Variants in APPBP2 observed in about 807,000 individuals in gnomAD.
APPBP2 encodes amyloid beta precursor protein binding protein 2.
APPBP2 carries 15 observed loss-of-function variants against 76.0 expected under a neutral mutation model. The ratio of observed to expected loss-of-function variants is 0.20; its 90% CI spans 0.13 to 0.30. The LOEUF is 0.30. Among genes scored for constraint, APPBP2 ranks in the 10% least tolerant of loss-of-function variants. The pLI, the probability that APPBP2 is intolerant of heterozygous loss-of-function variation, is 1.00. For missense variants in APPBP2, 401 were observed against 687.2 expected, an observed-to-expected ratio of 0.58 and a Z score of 4.66; for synonymous variants, 222 against 242.2, an observed-to-expected ratio of 0.92 and a Z score of 0.77.
intron 4 of APPBP2, among the ~76,000 whole-genome samples, chr17:60,467,299 T>C (rs1399598173): frequency 6.6e-6 from 1 of 152,180 alleles, no homozygotes; most frequent in East Asian, 1.9e-4. Context: ...GGTTAGGAAG[T>C]ATTCCTCAGG....
At chr17:60,477,303 A>C (rs2090597748) in intron 4 of APPBP2, among the ~76,000 whole-genome samples, 1 of 152,224 alleles carries the variant, frequency 6.6e-6, no homozygotes, top group South Asian at 2.1e-4. Context: ...TATTTGGGTG[A>C]AATAAATCTG....
chr17:60,511,324 C>T (rs1006584920), intron 1 of APPBP2, among the ~76,000 whole-genome samples: 8 of 152,108 alleles, frequency 5.3e-5, no homozygotes, highest in South Asian at 4.1e-4. Context: ...CGGTGGCTCA[C>T]GCCTGTAATC....
intron 3 of APPBP2, among the ~76,000 whole-genome samples, chr17:60,487,521 C>G (rs370599619): frequency 2.6e-5 from 4 of 152,098 alleles, no homozygotes; most frequent in African/African-American, 9.7e-5. Context: ...ATGTAGTTCT[C>G]GCGCCATGGT....
Position 60,525,843 on chromosome 17 carries a change from C to T in APPBP2, c.89G>A (p.Arg30Gln). The T allele has an allele frequency of 6.2e-7, 1 of 1,613,928 alleles. No homozygotes were observed. The highest frequency in any genetic ancestry group is 8.5e-7 in the Non-Finnish European group (1 of 1,179,952). The part of the protein sequence containing the change: ...AVVDNYIRSR[R>Q]DIRSLPENIQ... ...GTTCTCGGGCAAGGAGCGGATGTCT[C>T]GGCGGGAGCGGATGTAGTTGTCCAC... is the stretch of plus-strand genomic sequence containing the variant. Residue 30 changes from arginine to glutamine, a missense_variant, in exon 1 of 13, where the codon CGA (arginine) becomes CAA (glutamine). Arg to Gln is a conservative substitution (Grantham distance 43). Coordinates refer to ENST00000083182, the MANE Select transcript of APPBP2 (RefSeq NM_006380.5).
At chr17:60,478,610 A>T (rs1277618001) in intron 4 of APPBP2, among the ~76,000 whole-genome samples, 1 of 152,222 alleles carries the variant, frequency 6.6e-6, no homozygotes, top group African/African-American at 2.4e-5. Context: ...TCTATGACAA[A>T]GCAAAAAGAT....
At chr17:60,505,680 T>TA (rs1555635366) in intron 1 of APPBP2, among the ~76,000 whole-genome samples, 1 of 125,492 alleles carries the variant, frequency 8.0e-6, no homozygotes, top group African/African-American at 3.7e-5. Context: ...CCTGCGGTTT[T>TA]TTTTTTTTTT....
chr17:60,472,786 G>A (rs1363623641), intron 4 of APPBP2, among the ~76,000 whole-genome samples: 1 of 152,124 alleles, frequency 6.6e-6, no homozygotes, highest in Non-Finnish European at 1.5e-5. Flanking sequence ...CTACCCTGGA[G>A]GCCCTTAACA....
chr17:60,451,292 A>AATT (rs1335173400), intron 12 of APPBP2, among the ~76,000 whole-genome samples: 1 of 152,248 alleles, frequency 6.6e-6, no homozygotes, highest in East Asian at 1.9e-4. Flanking sequence ...AAATAGTTTA[A>AATT]AATAACTACT....
intron 12 of APPBP2, among the ~76,000 whole-genome samples, chr17:60,450,077 G>A (rs903148928): frequency 6.6e-6 from 1 of 151,920 alleles, no homozygotes; most frequent in Non-Finnish European, 1.5e-5. Context: ...GATTACAGGT[G>A]TGAGCCACCG....
At chr17:60,492,043 C>T (rs530055336) in intron 3 of APPBP2, among the ~76,000 whole-genome samples, 120 of 152,230 alleles carry the variant, frequency 7.9e-4, no homozygotes, top group African/African-American at 2.6e-3. Context: ...GGGACTTGGA[C>T]CCCTGTGTCC....
chr17:60,447,662 A>T lies in APPBP2; in HGVS notation c.1677T>A (p.Asp559Glu), dbSNP rs774630708. The T allele has an allele frequency of 6.2e-7, 1 of 1,614,108 alleles. No individual in the cohort carries two copies. Among genetic ancestry groups the T allele is most frequent in the South Asian group, 1.1e-5 (1 of 91,082 alleles). Residue 559 changes from aspartate to glutamate, a missense_variant, in exon 13 of 13, where the codon GAT (aspartate) becomes GAA (glutamate). By Grantham distance (45) the Asp-to-Glu change is conservative. Transcript: ENST00000083182. ...CAGTGGACTGGGGGCTGGTGCTGAC[A>T]TCTTCAAGAGCATCTGTCACTGAAT... ...RQYSVTDALE[D>E]VSTSPQSTEE...
At chr17:60,505,214 C>T (rs2090856734) in intron 1 of APPBP2, among the ~76,000 whole-genome samples, 1 of 152,228 alleles carries the variant, frequency 6.6e-6, no homozygotes, top group Non-Finnish European at 1.5e-5. Context: ...AAATTACGGT[C>T]CACACAGTAA....
chr17:60,525,952 C>A lies in APPBP2; in HGVS notation c.-21G>T. 6.4e-7 allele frequency: 1 copy of A among 1,561,840 alleles called. No homozygotes were observed. Among genetic ancestry groups the A allele is most frequent in the Non-Finnish European group, 8.7e-7 (1 of 1,151,848 alleles). On this transcript the variant is annotated 5_prime_UTR_variant, in exon 1 of 13. Coordinates refer to ENST00000083182, the MANE Select transcript of APPBP2 (RefSeq NM_006380.5). The stretch of plus-strand genomic sequence containing the variant: ...GCCATCTTCCTTCCCTCCTCCTCCG[C>A]CTCCTCCGCCTCCTCCTCCCGAAGG...
chr17:60,444,934 T>C lies in APPBP2; in HGVS notation c.*2647A>G, dbSNP rs2090333662. The C allele has an allele frequency of 6.6e-6, 1 of 152,222 alleles. No homozygotes were observed. The highest frequency in any genetic ancestry group is 1.5e-5 in the Non-Finnish European group (1 of 68,026). 9.4% of individuals were successfully genotyped at this position (152,222 alleles called of 1,614,324 possible). A position where few individuals can be genotyped will look rare whatever the true frequency, so the allele number is the denominator to read the frequency against. The stretch of plus-strand genomic sequence containing the variant: ...CAGGGCTTCCTTACGCACCTCACCA[T>C]ATGTAAAAAGTTTGCGCAAGTTAAC... On this transcript the variant is annotated 3_prime_UTR_variant, in exon 13 of 13. Coordinates refer to ENST00000083182, the MANE Select transcript of APPBP2 (RefSeq NM_006380.5).
chr17:60,462,162 AAAC>A, intron 6 of APPBP2, 101 bp from the exon 7 acceptor site: 2 of 862,002 alleles, frequency 2.3e-6, no homozygotes, highest in Non-Finnish European at 3.8e-6. Context: ...ATAAGAAAAA[AAAC>A]CCTCCAAACA....
chr17:60,492,708 T>C (rs975605567), intron 3 of APPBP2, among the ~76,000 whole-genome samples: 1 of 152,324 alleles, frequency 6.6e-6, no homozygotes, highest in Non-Finnish European at 1.5e-5. Flanking sequence ...GTACCCCCAC[T>C]GTATCTAGGA....
intron 4 of APPBP2, among the ~76,000 whole-genome samples, chr17:60,478,185 C>G (rs527271846): frequency 6.6e-6 from 1 of 152,140 alleles, no homozygotes; most frequent in Non-Finnish European, 1.5e-5. Flanking sequence ...TAAAGAATTT[C>G]TGCTGTTTAA....
intron 1 of APPBP2, among the ~76,000 whole-genome samples, chr17:60,509,731 G>A (rs2090897068): frequency 6.6e-6 from 1 of 152,164 alleles, no homozygotes; most frequent in Non-Finnish European, 1.5e-5. Context: ...CCCAGGAGGT[G>A]GAGGCTGCGG....
At chr17:60,512,705 C>T (rs935861462) in intron 1 of APPBP2, among the ~76,000 whole-genome samples, 7 of 151,200 alleles carry the variant, frequency 4.6e-5, no homozygotes, top group East Asian at 2.0e-4. Context: ...TGTGATGGCA[C>T]GCACCTGTAG....
Sources: gnomAD v4.1 joint callset for allele counts (sites outside exome capture counted in the v4.1 genomes callset) on GRCh38, gnomAD v4.1.1 for gene constraint, MANE v1.5 for transcripts, NCBI Gene and HGNC (gene_info 2026-07-23, HGNC 2026-07-21) for gene names.